Variants in OCA2 observed in about 807,000 individuals in gnomAD.
The protein encoded by OCA2 is P protein.
OCA2 carries 77 observed loss-of-function variants against 100.2 expected under a neutral mutation model. That is an observed-to-expected ratio of 0.77 (90% CI 0.64 to 0.93). The LOEUF (loss-of-function observed/expected upper bound fraction) is 0.93, where lower values mean the gene tolerates loss of function less well. OCA2 is among the 40% of genes least tolerant of loss of function. The pLI, the probability that OCA2 is intolerant of heterozygous loss-of-function variation, is 0.00. For missense variants in OCA2, 1,062 were observed against 1,089.1 expected (o/e 0.98, Z 0.35); for synonymous variants, 432 against 439.2 (o/e 0.98, Z 0.21).
rs527946912 is a variant in OCA2 at position 27,863,042 on chromosome 15, T to C, written c.2244+8112A>G. 5.5e-3 allele frequency among the ~76,000 whole-genome samples: 833 copies of C among 152,314 alleles called. 4 individuals are homozygous for C. Among genetic ancestry groups the C allele is most frequent in the Non-Finnish European group, 9.0e-3 (612 of 68,028 alleles). On this transcript the variant is annotated intron_variant, in intron 21 of 23. Coordinates refer to ENST00000354638, the MANE Select transcript of OCA2 (RefSeq NM_000275.3). ...GGTCTGACTCAGGGGCCTGGGAAGC[T>C]GGCCGAGAAGGCACTAACCATCAGC...
chr15:27,888,450 A>T (rs1036055939), intron 19 of OCA2, among the ~76,000 whole-genome samples: 2 of 152,194 alleles, frequency 1.3e-5, no homozygotes, highest in African/African-American at 4.8e-5. Context: ...GGGAAAGGAC[A>T]AACACCTGAT....
In OCA2 at chr15:27,957,713, G is replaced by A. The variant is rs2040274904; in HGVS notation, c.1659C>T (p.Val553=). The A allele has an allele frequency of 6.2e-7, 1 of 1,613,080 alleles. No homozygotes were observed. The highest frequency in any genetic ancestry group is 1.3e-5 in the African/African-American group (1 of 74,930). ...TGATGCGCTGAGCAGTCAGGCGCCA[G>A]ACGTGAATCTCGTGCTTCAGTTCTG... ...EIVELKHEIH[V]WRLTAQRISP... Residue 553 remains valine (V), a synonymous_variant, in exon 16 of 24, where the codon GTC becomes GTT. Coordinates refer to ENST00000354638, the MANE Select transcript of OCA2 (RefSeq NM_000275.3). The surrounding 1 kb of genome is among the most constrained non-coding windows in gnomAD (Gnocchi z 4.3).
chr15:27,726,839 G>A, the OCA2 span, among the ~76,000 whole-genome samples: 1 of 152,204 alleles, frequency 6.6e-6, no homozygotes, highest in Non-Finnish European at 1.5e-5. Context: ...AATGTTCTTC[G>A]TCTCTCTCAG....
At chr15:28,009,684 T>TCACACACA (rs747425942) in intron 9 of OCA2, among the ~76,000 whole-genome samples, 1,894 of 138,058 alleles carry the variant, frequency 0.014, 22 homozygotes, top group Middle Eastern at 0.033. Context: ...CGAGATTCTG[T>TCACACACA]CACACACACA....
chr15:27,838,196 A>T (rs1023421532), intron 23 of OCA2, among the ~76,000 whole-genome samples: 1 of 152,218 alleles, frequency 6.6e-6, no homozygotes, highest in Non-Finnish European at 1.5e-5. Flanking sequence ...GCTGTGCAAA[A>T]ACAACCTGAA....
Position 27,871,860 on chromosome 15 carries a change from T to C in OCA2, c.2139+3A>G, listed in dbSNP as rs1227457439. ...GTGCCTTCTATTATAGCATTTATTT[T>C]ACCTTTATTAGCAAAGCAGTTTGTT... On this transcript the variant is annotated splice_donor_region_variant and intron_variant, in intron 20 of 23. Coordinates refer to ENST00000354638, the MANE Select transcript of OCA2 (RefSeq NM_000275.3). The C allele has an allele frequency of 1.9e-6, 3 of 1,585,734 alleles. No homozygotes were observed. The South Asian group carries it at 3.3e-5, about 18-fold the overall frequency.
chr15:28,054,119 T>C (rs932205122), intron 2 of OCA2, among the ~76,000 whole-genome samples: 2 of 152,238 alleles, frequency 1.3e-5, no homozygotes, highest in Admixed American at 1.3e-4. Flanking sequence ...TAGGTGCATG[T>C]GTATGTAAAT....
At chr15:27,963,963 A>G (rs2140789555) in intron 15 of OCA2, among the ~76,000 whole-genome samples, 1 of 152,294 alleles carries the variant, frequency 6.6e-6, no homozygotes, top group South Asian at 2.1e-4. Context: ...AAAGAATATT[A>G]TGAACAATTT....
At chr15:27,722,675 T>C in the OCA2 span, among the ~76,000 whole-genome samples, 183 of 140,988 alleles carry the variant, frequency 1.3e-3, 1 homozygote, top group Middle Eastern at 7.0e-3. Context: ...TCCTTTCTTT[T>C]CTTTCTTTCT....
At chr15:27,740,294 C>T in the OCA2 span, among the ~76,000 whole-genome samples, 1 of 152,244 alleles carries the variant, frequency 6.6e-6, no homozygotes, top group Non-Finnish European at 1.5e-5. Context: ...GTGTTCTTGG[C>T]TGTGGAGGGA....
chr15:28,096,030 G>C (rs893394435), intron 1 of OCA2, among the ~76,000 whole-genome samples: 1 of 152,196 alleles, frequency 6.6e-6, no homozygotes, highest in Non-Finnish European at 1.5e-5. Flanking sequence ...GGGTCCACAG[G>C]GCATGGCTGT....
intron 21 of OCA2, among the ~76,000 whole-genome samples, chr15:27,870,928 AGGACGTGCT>A (rs2036541808): frequency 6.6e-6 from 1 of 152,130 alleles, no homozygotes; most frequent in Non-Finnish European, 1.5e-5. Flanking sequence ...CAGTCACCCC[AGGACGTGCT>A]GTCCACGGCA....
At chr15:27,852,132 G>A (rs1004611) in intron 21 of OCA2, among the ~76,000 whole-genome samples, 54,317 of 152,112 alleles carry the variant, frequency 0.36, 9,956 homozygotes, top group Middle Eastern at 0.53. Context: ...CCTTTCTGAC[G>A]TTGATGCACT....
chr15:27,805,822 G>A (rs2033819576), intron 23 of OCA2, among the ~76,000 whole-genome samples: 1 of 152,096 alleles, frequency 6.6e-6, no homozygotes, highest in East Asian at 1.9e-4. Context: ...AGACCCAGGC[G>A]GCGGGAACAG....
At chr15:27,800,926 C>T (rs1317651079) in intron 23 of OCA2, among the ~76,000 whole-genome samples, 1 of 31,890 alleles carries the variant, frequency 3.1e-5, no homozygotes. Context: ...AAGACTGCAT[C>T]ACTGTACTCC....
At chr15:28,058,272 G>T (rs569855461) in intron 2 of OCA2, among the ~76,000 whole-genome samples, 10 of 152,384 alleles carry the variant, frequency 6.6e-5, no homozygotes, top group African/African-American at 2.4e-4. Flanking sequence ...CACAGGGAAG[G>T]ACGAAGGCCA....
At chr15:27,976,835 A>ATTATTTTTT (rs2040982493) in intron 14 of OCA2, among the ~76,000 whole-genome samples, 7 of 152,042 alleles carry the variant, frequency 4.6e-5, no homozygotes, top group Admixed American at 4.6e-4. Flanking sequence ...TTTTTCCTTA[A>ATTATTTTTT]CTATTTGGGA....
chr15:28,073,122 G>C (rs2044317385), intron 2 of OCA2, among the ~76,000 whole-genome samples: 1 of 152,130 alleles, frequency 6.6e-6, no homozygotes. Flanking sequence ...CCATAAAAAA[G>C]AGTAAAATCC....
At chr15:27,979,127 A>G (rs896417859) in intron 14 of OCA2, among the ~76,000 whole-genome samples, 1 of 152,222 alleles carries the variant, frequency 6.6e-6, no homozygotes, top group African/African-American at 2.4e-5. Flanking sequence ...ACAATATTCA[A>G]TAAGTTACAT....
Sources: allele counts gnomAD v4.1 joint callset (sites outside exome capture counted in the v4.1 genomes callset), GRCh38; gene constraint gnomAD v4.1.1; non-coding constraint Gnocchi (gnomAD v3.1); transcripts MANE v1.5; gene names NCBI Gene and HGNC (gene_info 2026-07-23, HGNC 2026-07-21).